Variants in FAM149B1 observed in about 807,000 individuals in gnomAD.
The protein encoded by FAM149B1 is primary cilium assembly protein FAM149B1.
A neutral mutation model predicts 75.3 loss-of-function variants in FAM149B1; 56 were observed. That is an observed-to-expected ratio of 0.74 (90% CI 0.60 to 0.93). FAM149B1 has a LOEUF of 0.93. FAM149B1 is among the 40% of genes least tolerant of loss of function. The pLI is 0.00. For synonymous variants in FAM149B1, 259 were observed against 256.1 expected (o/e 1.01, Z -0.11); for missense variants, 639 against 708.4 (o/e 0.90, Z 1.11).
intron 7 of FAM149B1, among the ~76,000 whole-genome samples, chr10:73,215,972 TTGCTC>T: frequency 6.6e-6 from 1 of 152,372 alleles, no homozygotes; most frequent in Middle Eastern, 3.4e-3. Context: ...TTCTGTCTCT[TTGCTC>T]TGTCTAGTGC....
intron 13 of FAM149B1, among the ~76,000 whole-genome samples, chr10:73,239,880 T>C (rs1337846106): frequency 6.6e-6 from 1 of 152,226 alleles, no homozygotes; most frequent in Admixed American, 6.5e-5. Context: ...TTTTTATCTT[T>C]AAATTATACT....
intron 5 of FAM149B1, among the ~76,000 whole-genome samples, chr10:73,204,765 A>G (rs1248037461): frequency 2.1e-5 from 3 of 140,264 alleles, no homozygotes; most frequent in Non-Finnish European, 3.1e-5. Context: ...TATAAATGTG[A>G]TTATTCTTTT....
chr10:73,240,677 AC>A (rs746749184), intron 13 of FAM149B1, among the ~76,000 whole-genome samples: 10 of 148,790 alleles, frequency 6.7e-5, no homozygotes, highest in Middle Eastern at 3.4e-3. Flanking sequence ...ATGCCACTGC[AC>A]CTCCAGCCTG....
chr10:73,193,114 A>G (rs1241087722), intron 4 of FAM149B1, among the ~76,000 whole-genome samples: 2 of 152,210 alleles, frequency 1.3e-5, no homozygotes, highest in Admixed American at 1.3e-4. Context: ...AAAATTTACA[A>G]AGCTTCACGT....
intron 2 of FAM149B1, among the ~76,000 whole-genome samples, chr10:73,175,391 C>T (rs923197531): frequency 4.0e-5 from 6 of 151,696 alleles, no homozygotes; most frequent in South Asian, 2.1e-4. Context: ...TAAATAGGGC[C>T]GGGCGCGGTG....
chr10:73,174,929 A>G (rs1265849183), intron 2 of FAM149B1, 138 bp downstream of exon 2: 2 of 593,592 alleles, frequency 3.4e-6, no homozygotes, highest in Non-Finnish European at 6.1e-6. Context: ...AGTACCATTT[A>G]GTTTTCATTC....
At chr10:73,223,018 A>T (rs2043453390) in intron 7 of FAM149B1, among the ~76,000 whole-genome samples, 1 of 152,126 alleles carries the variant, frequency 6.6e-6, no homozygotes, top group South Asian at 2.1e-4. Flanking sequence ...TACTCAGGGG[A>T]CTAAAGCAGG....
In FAM149B1 at chr10:73,240,974, T is replaced by A; in HGVS notation, c.1704T>A (p.Ser568=). The A allele has an allele frequency of 1.9e-6, 3 of 1,542,596 alleles. No homozygotes were observed. Among genetic ancestry groups the A allele is most frequent in the Non-Finnish European group, 2.6e-6 (3 of 1,143,746 alleles). ...AGPQLHGSTK[S]QSGGRPVSRT... ...CTCAGTTACATGGGTCTACAAAATC[T>A]CAAAGCGGAGGCAGACCAGTCTCTC... Residue 568 remains serine, a synonymous_variant, in exon 14 of 14, where the codon TCT becomes TCA. Transcript: ENST00000242505.
At chr10:73,219,196 C>A (rs1408433310) in intron 7 of FAM149B1, among the ~76,000 whole-genome samples, 1 of 151,982 alleles carries the variant, frequency 6.6e-6, no homozygotes, top group Non-Finnish European at 1.5e-5. Flanking sequence ...ATAAATGTAA[C>A]CAAGGAAGTA....
intron 1 of FAM149B1, among the ~76,000 whole-genome samples, chr10:73,171,874 T>C (rs7902035): frequency 0.16 from 23,937 of 152,036 alleles, 3,138 homozygotes; most frequent in African/African-American, 0.34. Context: ...GTGATCTGCC[T>C]GCCTCAGCCT....
In FAM149B1 at chr10:73,168,204, C is replaced by T; in HGVS notation, c.-136C>T. ...AGGTGGCTGCTCGGAGTCTAGGTGA[C>T]GGGGCGAGACGGGGCCGGTAGGTGG... On this transcript the variant is annotated 5_prime_UTR_variant, in exon 1 of 14. In the 5' UTR this introduces an upstream ATG that the reference lacks. Coordinates refer to ENST00000242505, the MANE Select transcript of FAM149B1 (RefSeq NM_173348.2). 2 of 890,220 alleles carry T rather than the reference C, an allele frequency of 2.2e-6. No individual in the cohort carries two copies. The highest frequency in any genetic ancestry group is 1.8e-5 in the South Asian group (1 of 55,692). The allele number at this position is 890,220 out of a possible 1,614,324, so 55.1% of individuals were successfully genotyped here. A position where few individuals can be genotyped will look rare whatever the true frequency, so the allele number is the denominator to read the frequency against.
At chr10:73,195,391 T>C (rs2042778810) in intron 5 of FAM149B1, among the ~76,000 whole-genome samples, 1 of 152,236 alleles carries the variant, frequency 6.6e-6, no homozygotes, top group Non-Finnish European at 1.5e-5. Flanking sequence ...TTAAATCTCA[T>C]GTATTATATC....
At chr10:73,168,497 C>T (rs531640403) in intron 1 of FAM149B1, 111 bp downstream of exon 1, 7 of 1,290,930 alleles carry the variant, frequency 5.4e-6, no homozygotes, top group Admixed American at 2.4e-5. Context: ...AGAGATTTTT[C>T]TTCGGAATTC....
intron 5 of FAM149B1, among the ~76,000 whole-genome samples, chr10:73,194,886 GT>G (rs549325614): frequency 1.0e-3 from 155 of 151,460 alleles, no homozygotes; most frequent in African/African-American, 3.6e-3. Context: ...GTTTCACCAT[GT>G]TGGCCAGGCT....
intron 3 of FAM149B1, among the ~76,000 whole-genome samples, chr10:73,180,760 C>A (rs183865455): frequency 6.6e-6 from 1 of 152,242 alleles, no homozygotes; most frequent in Admixed American, 6.5e-5. Flanking sequence ...TACAAACAAT[C>A]CAATTACACT....
At chr10:73,195,989 A>G (rs2042795483) in intron 5 of FAM149B1, among the ~76,000 whole-genome samples, 1 of 152,218 alleles carries the variant, frequency 6.6e-6, no homozygotes, top group South Asian at 2.1e-4. Flanking sequence ...TCACTCGAGT[A>G]CCATTATGAA....
rs2043892073 is a variant in FAM149B1, at chr10:73,239,324, T to G, written c.1615T>G (p.Tyr539Asp). ...TTTTGTCTTGTAGCTGGATACACAG[T>G]ATCGTCGCTCATGTGCAGTTGAGTA... is the stretch of plus-strand genomic sequence containing the variant. ...TTQSFLLDTQ[Y>D]RRSCAVEYPH... is the part of the protein sequence containing the mutation. Residue 539 changes from tyrosine to aspartate, a missense_variant, in exon 13 of 14, where the codon TAT (tyrosine) becomes GAT (aspartate). Physicochemically the swap from Tyr to Asp is radical, Grantham distance 160 (BLOSUM62 -3). Transcript: ENST00000242505. The G allele has an allele frequency of 6.4e-7, 1 of 1,551,614 alleles. No homozygotes were observed. The highest frequency in any genetic ancestry group is 8.7e-7 in the Non-Finnish European group (1 of 1,146,886).
chr10:73,232,083 T>C (rs964712838), intron 9 of FAM149B1, among the ~76,000 whole-genome samples: 2 of 152,124 alleles, frequency 1.3e-5, no homozygotes, highest in African/African-American at 2.4e-5. Context: ...GCCTGAAAGG[T>C]TGAGGAACTT....
At chr10:73,240,141 G>A (rs2043908643) in intron 13 of FAM149B1, among the ~76,000 whole-genome samples, 1 of 152,154 alleles carries the variant, frequency 6.6e-6, no homozygotes, top group African/African-American at 2.4e-5. Context: ...GCTGCAGGAT[G>A]TCTTAATTCT....
Sources: allele counts gnomAD v4.1 joint callset (sites outside exome capture counted in the v4.1 genomes callset), GRCh38; gene constraint gnomAD v4.1.1; transcripts MANE v1.5; gene names NCBI Gene and HGNC (gene_info 2026-07-23, HGNC 2026-07-21).